KLRF2: variants seen among roughly 807,000 people sequenced by gnomAD.
KLRF2 encodes killer cell lectin-like receptor subfamily F member 2.
In KLRF2, 28 loss-of-function variants were observed where a neutral mutation model predicts 25.3. The observed-to-expected ratio is 1.11, with a 90% CI of 0.82 to 1.52. KLRF2 has a LOEUF of 1.52. KLRF2 is among the 40% of genes most tolerant of loss of function. The pLI, the probability that KLRF2 is intolerant of heterozygous loss-of-function variation, is 0.00. For synonymous variants in KLRF2, 73 were observed against 85.0 expected (o/e 0.86, Z 0.78); for missense variants, 265 against 245.8 (o/e 1.08, Z -0.52).
chr12:9,887,293 AAGAT>A (rs573346233), intron 2 of KLRF2, among the ~76,000 whole-genome samples: 9 of 152,254 alleles, frequency 5.9e-5, no homozygotes, highest in Non-Finnish European at 4.4e-5. Flanking sequence ...TAGATAGATA[AAGAT>A]AGATAGATAG....
At chr12:9,886,640 T>A (rs1422433253) in intron 2 of KLRF2, among the ~76,000 whole-genome samples, 1 of 152,146 alleles carries the variant, frequency 6.6e-6, no homozygotes, top group Admixed American at 6.5e-5. Context: ...AAAATAACTT[T>A]TGAAAGCCAA....
At chr12:9,882,221 G>A (rs1868101970) in intron 1 of KLRF2, among the ~76,000 whole-genome samples, 1 of 151,890 alleles carries the variant, frequency 6.6e-6, no homozygotes, top group African/African-American at 2.4e-5. Flanking sequence ...CAAGACCTAA[G>A]TTAAGATGAC....
At chr12:9,891,202 G>C (rs1343967391) in intron 3 of KLRF2, among the ~76,000 whole-genome samples, 1 of 152,130 alleles carries the variant, frequency 6.6e-6, no homozygotes, top group East Asian at 1.9e-4. Flanking sequence ...TTAGAAACCT[G>C]CCTGGCCCAC....
chr12:9,888,894 A>C (rs904609339), intron 3 of KLRF2, 114 bp downstream of exon 3: 1 of 579,598 alleles, frequency 1.7e-6, no homozygotes, highest in Non-Finnish European at 3.1e-6. Context: ...TGGTGGAGAA[A>C]GGTATGGGGC....
Position 9,895,684 on chromosome 12 carries a change from CTT to C in KLRF2, c.480-4_480-3del, listed in dbSNP as rs940382605. ...ATGCTGAAAAATCTGTCCTTTGTCT[CTT>C]AGGTTTTCAGTGATTGGACCAACTG... On this transcript the variant is annotated splice_region_variant and splice_polypyrimidine_tract_variant and intron_variant, in intron 5 of 5. Transcript: ENST00000535540. The C allele has an allele frequency of 6.6e-7, 1 of 1,520,884 alleles. No individual in the cohort carries two copies. The highest frequency in any genetic ancestry group is 1.4e-5 in the African/African-American group (1 of 71,888). 94.2% of individuals were successfully genotyped at this position (1,520,884 alleles called of 1,614,324 possible).
chr12:9,881,531 T>C lies in KLRF2; in HGVS notation c.-65T>C, dbSNP rs1213624792. The C allele has an allele frequency of 8.4e-7, 1 of 1,193,376 alleles. No homozygotes were observed. Among genetic ancestry groups the C allele is most frequent in the Non-Finnish European group, 1.2e-6 (1 of 838,644 alleles). 73.9% of individuals were successfully genotyped at this position (1,193,376 alleles called of 1,614,324 possible). On this transcript the variant is annotated 5_prime_UTR_variant, in exon 1 of 6. Coordinates refer to ENST00000535540, the MANE Select transcript of KLRF2 (RefSeq NM_001190765.1). ...TTGTGCCAAAGAGACATATCCAAGG[T>C]TGAGATTAGTTTCCATTTTCTTTGT...
rs112224733 is a variant in KLRF2, at chr12:9,889,361, TA to T, written c.217+582del. On this transcript the variant is annotated intron_variant, in intron 3 of 5. Coordinates refer to ENST00000535540, the MANE Select transcript of KLRF2 (RefSeq NM_001190765.1). Reference sequence around the variant, plus strand: ...ACCAGTCTAGATGTCACTGGGAAGATATTTTTTAGATGAAATTGGATTTTGC... The same window carrying T: ...ACCAGTCTAGATGTCACTGGGAAGATTTTTTTAGATGAAATTGGATTTTGC... Among the ~76,000 whole-genome samples, 1,462 of 152,302 alleles carry T rather than the reference TA, an allele frequency of 9.6e-3. 17 individuals carry two copies. The highest frequency in any genetic ancestry group is 0.034 in the African/African-American group (1,406 of 41,554).
At chr12:9,891,622 A>G (rs990458783) in intron 3 of KLRF2, among the ~76,000 whole-genome samples, 3 of 152,194 alleles carry the variant, frequency 2.0e-5, no homozygotes, top group African/African-American at 7.2e-5. Flanking sequence ...GCAAACAACT[A>G]TGTATTTGTA....
chr12:9,887,313 T>A (rs1862609810), intron 2 of KLRF2, among the ~76,000 whole-genome samples: 1 of 152,174 alleles, frequency 6.6e-6, no homozygotes, highest in East Asian at 1.9e-4. Context: ...GATAGATAGA[T>A]AATTTCAGAA....
intron 1 of KLRF2, among the ~76,000 whole-genome samples, chr12:9,882,463 A>G (rs1394552825): frequency 1.3e-5 from 2 of 152,140 alleles, no homozygotes; most frequent in Admixed American, 1.3e-4. Flanking sequence ...TGCAGCAAAA[A>G]CTAGTACCAT....
rs753679166 is a variant in KLRF2, at chr12:9,895,157, C to T, written c.480-532C>T. On this transcript the variant is annotated intron_variant, in intron 5 of 5. Transcript: ENST00000535540. ...ACTTTGACTTAAACAAAATCTTGGG[C>T]GACTGCCTCCCAACTCACATCATTA... is the stretch of plus-strand genomic sequence containing the variant. Among the ~76,000 whole-genome samples the T allele has an allele frequency of 4.6e-5, 7 of 152,152 alleles. No individual in the cohort carries two copies. The South Asian group carries it at 6.2e-4, about 14-fold the overall frequency.
At position 9,895,749 on chromosome 12, in the gene KLRF2, G is replaced by T. The variant is rs1233383225; in HGVS notation, c.540G>T (p.Val180=). ...RSCAVITGNW[V]YSEDCSSTFK... is the part of the protein sequence containing the mutation. ...GTGCCGTTATCACAGGAAACTGGGT[G>T]TATTCTGAAGACTGTAGCTCCACAT... Residue 180 remains valine (V), a synonymous_variant, in exon 6 of 6, where the codon GTG becomes GTT. Coordinates refer to ENST00000535540, the MANE Select transcript of KLRF2 (RefSeq NM_001190765.1). 6.5e-7 allele frequency: 1 copy of T among 1,535,850 alleles called. No homozygotes were observed. Among genetic ancestry groups the T allele is most frequent in the African/African-American group, 1.4e-5 (1 of 73,150 alleles).
At chr12:9,882,506 G>A (rs1043387551) in intron 1 of KLRF2, among the ~76,000 whole-genome samples, 2 of 152,114 alleles carry the variant, frequency 1.3e-5, no homozygotes, top group African/African-American at 2.4e-5. Context: ...GACCAGGCAC[G>A]GTGGCTCATG....
In KLRF2 at chr12:9,895,734, C is replaced by T; in HGVS notation, c.525C>T (p.Ile175=). Residue 175 remains isoleucine (I), a synonymous_variant, in exon 6 of 6, where the codon ATC becomes ATT. Transcript: ENST00000535540. ...CTGATGACAGGAGCTGTGCCGTTATCACAGGAAACTGGGTGTATTCTGAAG... is the reference window on the plus strand; with the variant it reads ...CTGATGACAGGAGCTGTGCCGTTATTACAGGAAACTGGGTGTATTCTGAAG... ...GPTDDRSCAV[I]TGNWVYSEDC... 6.5e-7 allele frequency: 1 copy of T among 1,535,770 alleles called. No individual in the cohort carries two copies. The highest frequency in any genetic ancestry group is 1.2e-5 in the South Asian group (1 of 84,014).
At chr12:9,887,013 GA>G (rs149388986) in intron 2 of KLRF2, among the ~76,000 whole-genome samples, 6 of 149,550 alleles carry the variant, frequency 4.0e-5, no homozygotes, top group Non-Finnish European at 7.4e-5. Context: ...CAAAATGTCA[GA>G]AAAAAAACAT....
intron 1 of KLRF2, among the ~76,000 whole-genome samples, chr12:9,883,300 T>C (rs921611470): frequency 6.6e-6 from 1 of 152,200 alleles, no homozygotes; most frequent in Non-Finnish European, 1.5e-5. Context: ...ACAATTAGTG[T>C]TCTTGCAATA....
chr12:9,887,955 C>T (rs543722981), intron 2 of KLRF2, among the ~76,000 whole-genome samples: 1 of 148,788 alleles, frequency 6.7e-6, no homozygotes, highest in East Asian at 2.0e-4. Flanking sequence ...ACTTGGGAAG[C>T]TGAGGCAAGA....
At chr12:9,892,205 A>G (rs118145179) in intron 3 of KLRF2, among the ~76,000 whole-genome samples, 4,256 of 152,146 alleles carry the variant, frequency 0.028, 88 homozygotes, top group Middle Eastern at 0.068. Context: ...ATATAACTGT[A>G]TATTAAAGAA....
rs1862726573 is a variant in KLRF2, at chr12:9,894,167, CTTT to C, written c.479+627_479+629del. On this transcript the variant is annotated intron_variant, in intron 5 of 5. Transcript: ENST00000535540. ...CTCTCTCTCTCTCCCTCCCTTCCTT[CTTT>C]GTTTCTTTCTTTCTTTCTTTCTTTT... 4.7e-5 allele frequency among the ~76,000 whole-genome samples: 6 copies of C among 128,178 alleles called. No individual in the cohort carries two copies. In the South Asian group the frequency reaches 1.5e-3, roughly 31 times the overall value. 84.1% of individuals were successfully genotyped at this position (128,178 alleles called of 152,430 possible). A position where few individuals can be genotyped will look rare whatever the true frequency, so the allele number is the denominator to read the frequency against.
Sources: allele counts gnomAD v4.1 joint callset (sites outside exome capture counted in the v4.1 genomes callset), GRCh38; gene constraint gnomAD v4.1.1; transcripts MANE v1.5; gene names NCBI Gene and HGNC (gene_info 2026-07-23, HGNC 2026-07-21).